UBE2J1: variants seen among roughly 807,000 people sequenced by gnomAD.
UBE2J1 encodes the protein ubiquitin-conjugating enzyme E2 J1.
Under a neutral mutation model 42.1 loss-of-function variants are expected in UBE2J1, and 17 were observed. That is an observed-to-expected ratio of 0.40 (90% CI 0.28 to 0.61). UBE2J1 has a LOEUF of 0.61. Among genes scored for constraint, UBE2J1 ranks in the 20% least tolerant of loss-of-function variants. The probability of loss-of-function intolerance (pLI) is 0.38; values close to 1 mark genes in which losing one functional copy is unlikely to be tolerated. For missense variants in UBE2J1, 291 were observed against 389.4 expected (o/e 0.75, Z 2.13); for synonymous variants, 127 against 137.2 (o/e 0.93, Z 0.52).
At position 89,342,324 on chromosome 6, in the gene UBE2J1, C is replaced by T. The variant is rs142719646; in HGVS notation, c.237G>A (p.Thr79=). The part of the protein sequence containing the change: ...PMKPPSIILL[T]ANGRFEVGKK... ...CACTCTAAAAATCCAAAATTCTTAC[C>T]GTTAGGAGAATAATGCTTGGTGGTT... Residue 79 remains threonine, a splice_region_variant and synonymous_variant, in exon 3 of 8, where the codon ACG becomes ACA. Coordinates refer to ENST00000435041, the MANE Select transcript of UBE2J1 (RefSeq NM_016021.3). 3.7e-6 allele frequency: 6 copies of T among 1,613,696 alleles called. No individual in the cohort carries two copies. The highest frequency in any genetic ancestry group is 3.3e-4 in the Middle Eastern group (2 of 6,082).
intron 1 of UBE2J1, among the ~76,000 whole-genome samples, chr6:89,348,002 T>C (rs1362019659): frequency 6.6e-6 from 1 of 152,246 alleles, no homozygotes; most frequent in Admixed American, 6.5e-5. Context: ...CCTTATGATA[T>C]GGCTCCCTGG....
intron 3 of UBE2J1, among the ~76,000 whole-genome samples, chr6:89,341,919 C>T (rs532354842): frequency 1.3e-5 from 2 of 152,182 alleles, no homozygotes; most frequent in East Asian, 1.9e-4. Flanking sequence ...AGGTAGGTAT[C>T]ATTATTCTCA....
chr6:89,344,083 T>G (rs577343321), intron 1 of UBE2J1, among the ~76,000 whole-genome samples: 3 of 152,278 alleles, frequency 2.0e-5, no homozygotes, highest in African/African-American at 7.2e-5. Flanking sequence ...TAATACAACA[T>G]TACTAGATAG....
intron 1 of UBE2J1, among the ~76,000 whole-genome samples, 166 bp downstream of exon 1, chr6:89,352,373 C>T (rs1003487916): frequency 3.9e-5 from 6 of 152,196 alleles, no homozygotes; most frequent in Non-Finnish European, 7.4e-5. Context: ...ACCCGGCCAC[C>T]TCGCCCTGCG....
chr6:89,331,753 C>T (rs1270245406), intron 7 of UBE2J1, among the ~76,000 whole-genome samples: 1 of 152,054 alleles, frequency 6.6e-6, no homozygotes, highest in African/African-American at 2.4e-5. Flanking sequence ...TTAAATACAT[C>T]ACAAACATTA....
intron 3 of UBE2J1, among the ~76,000 whole-genome samples, chr6:89,341,960 T>C (rs1768253769): frequency 6.6e-6 from 1 of 151,600 alleles, no homozygotes; most frequent in East Asian, 1.9e-4. Flanking sequence ...AGGAAGAGAG[T>C]GTAAGAAAGG....
chr6:89,349,810 T>C (rs1392212607), intron 1 of UBE2J1, among the ~76,000 whole-genome samples: 1 of 152,030 alleles, frequency 6.6e-6, no homozygotes, highest in Non-Finnish European at 1.5e-5. Context: ...AGTGGGTACT[T>C]TTGCACCAGT....
intron 5 of UBE2J1, 35 bp downstream of exon 5, chr6:89,338,170 T>C (rs770957210): frequency 6.6e-7 from 1 of 1,511,340 alleles, no homozygotes; most frequent in Non-Finnish European, 9.2e-7. Context: ...CTGAATACTA[T>C]TCAGACCTCA....
chr6:89,345,950 G>A (rs1032154516), intron 1 of UBE2J1, among the ~76,000 whole-genome samples: 9 of 149,060 alleles, frequency 6.0e-5, no homozygotes, highest in African/African-American at 7.4e-5. Flanking sequence ...GCAGTGGTAC[G>A]AACACAGCTC....
chr6:89,338,638 A>T, intron 3 of UBE2J1, 95 bp from the exon 4 acceptor site: 3 of 263,046 alleles, frequency 1.1e-5, no homozygotes, highest in Non-Finnish European at 6.9e-6. Flanking sequence ...ATAATTTTAG[A>T]GATTATCTTA....
chr6:89,329,470 G>C lies in UBE2J1; in HGVS notation c.*209C>G. 1 of 557,378 alleles carries C rather than the reference G, an allele frequency of 1.8e-6. No homozygotes were observed. Among genetic ancestry groups the C allele is most frequent in the Non-Finnish European group, 3.1e-6 (1 of 322,874 alleles). The allele number at this position is 557,378 out of a possible 1,614,324, so 34.5% of individuals were successfully genotyped here. A position where few individuals can be genotyped will look rare whatever the true frequency, so the allele number is the denominator to read the frequency against. On this transcript the variant is annotated 3_prime_UTR_variant, in exon 8 of 8. Coordinates refer to ENST00000435041, the MANE Select transcript of UBE2J1 (RefSeq NM_016021.3). ...AAAGCAGATCAAATAGTGAGACAAG[G>C]AACTTTGACTTCTAGTCCCTTTAAG...
chr6:89,343,520 A>G (rs530561614), intron 2 of UBE2J1, among the ~76,000 whole-genome samples, 163 bp downstream of exon 2: 3 of 152,218 alleles, frequency 2.0e-5, no homozygotes, highest in African/African-American at 7.2e-5. Flanking sequence ...CGTTTCTTCT[A>G]AAGTGATTTG....
chr6:89,344,316 T>C (rs958471311), intron 1 of UBE2J1, among the ~76,000 whole-genome samples: 3 of 152,150 alleles, frequency 2.0e-5, no homozygotes, highest in Non-Finnish European at 2.9e-5. Flanking sequence ...ATCCACTATC[T>C]TGCATTAAAT....
intron 2 of UBE2J1, 77 bp from the exon 3 acceptor site, chr6:89,342,532 T>C: frequency 7.3e-7 from 1 of 1,373,398 alleles, no homozygotes; most frequent in Non-Finnish European, 9.8e-7. Flanking sequence ...TTAGAAATAT[T>C]ACCAAGCAAG....
chr6:89,345,433 C>T (rs1290639814), intron 1 of UBE2J1, among the ~76,000 whole-genome samples: 1 of 151,830 alleles, frequency 6.6e-6, no homozygotes, highest in Non-Finnish European at 1.5e-5. Context: ...GAAACCCTGT[C>T]TCTACTAAAA....
Position 89,329,114 on chromosome 6 carries a change from A to G in UBE2J1, c.*565T>C, listed in dbSNP as rs1562407988. ...AAGATGTGATCTCATTTCCTCATAA[A>G]TGTTTGACTGAAATAAAATTATTTT... On this transcript the variant is annotated 3_prime_UTR_variant, in exon 8 of 8. Coordinates refer to ENST00000435041, the MANE Select transcript of UBE2J1 (RefSeq NM_016021.3). The G allele has an allele frequency of 6.5e-6, 1 of 153,174 alleles. No homozygotes were observed. Among genetic ancestry groups the G allele is most frequent in the Non-Finnish European group, 1.5e-5 (1 of 68,876 alleles). 9.5% of individuals were successfully genotyped at this position (153,174 alleles called of 1,614,324 possible). A position where few individuals can be genotyped will look rare whatever the true frequency, so the allele number is the denominator to read the frequency against.
At chr6:89,343,478 T>C (rs1768297248) in intron 2 of UBE2J1, among the ~76,000 whole-genome samples, 1 of 145,848 alleles carries the variant, frequency 6.9e-6, no homozygotes, top group South Asian at 2.2e-4. Context: ...CAACTTAGCA[T>C]CTGAGACCCA....
In UBE2J1 at chr6:89,328,029, C is replaced by A. The variant is rs1767939472; in HGVS notation, c.*1650G>T. ...TCATAAAGTCCTTGAGCTTTTTAGACTTTAACAAATTCAGCTACAGATATA... is the reference window on the plus strand; with the variant it reads ...TCATAAAGTCCTTGAGCTTTTTAGAATTTAACAAATTCAGCTACAGATATA... On this transcript the variant is annotated 3_prime_UTR_variant, in exon 8 of 8. Coordinates refer to ENST00000435041, the MANE Select transcript of UBE2J1 (RefSeq NM_016021.3). 1 of 152,152 alleles carries A rather than the reference C, an allele frequency of 6.6e-6. No homozygotes were observed. The highest frequency in any genetic ancestry group is 2.1e-4 in the South Asian group (1 of 4,824). The allele number at this position is 152,152 out of a possible 1,614,324, so 9.4% of individuals were successfully genotyped here.
chr6:89,348,337 C>T (rs766670320), intron 1 of UBE2J1, among the ~76,000 whole-genome samples: 4 of 152,220 alleles, frequency 2.6e-5, no homozygotes, highest in Non-Finnish European at 4.4e-5. Context: ...ATTCTTCACA[C>T]ACCTTGGCTA....
Sources: allele counts gnomAD v4.1 joint callset (sites outside exome capture counted in the v4.1 genomes callset), GRCh38; gene constraint gnomAD v4.1.1; transcripts MANE v1.5; gene names NCBI Gene and HGNC (gene_info 2026-07-23, HGNC 2026-07-21).